Variants in GPM6A observed in about 807,000 individuals in gnomAD.
The protein encoded by GPM6A is glycoprotein M6A.
A neutral mutation model predicts 32.1 loss-of-function variants in GPM6A; 7 were observed. That is an observed-to-expected ratio of 0.22 (90% CI 0.12 to 0.41). The LOEUF (loss-of-function observed/expected upper bound fraction) is 0.41, where lower values mean the gene tolerates loss of function less well. Ranked by LOEUF, GPM6A falls within the 10% of genes least tolerant of loss-of-function variation. The pLI is 1.00. For missense variants in GPM6A, 235 were observed against 347.2 expected, an observed-to-expected ratio of 0.68 and a Z score of 2.57; for synonymous variants, 130 against 123.4, an observed-to-expected ratio of 1.05 and a Z score of -0.35.
intron 1 of GPM6A, among the ~76,000 whole-genome samples, chr4:175,993,729 T>C (rs1741220895): frequency 6.6e-6 from 1 of 152,206 alleles, no homozygotes; most frequent in South Asian, 2.1e-4. Flanking sequence ...ATTATCTAAA[T>C]GTTGTTGCCT....
intron 1 of GPM6A, among the ~76,000 whole-genome samples, chr4:175,918,681 A>G (rs994379932): frequency 3.3e-5 from 5 of 152,178 alleles, no homozygotes; most frequent in African/African-American, 1.2e-4. Context: ...GAGTTTCCTA[A>G]GAAAACTGCA....
chr4:175,732,279 T>C (rs1731467994), intron 1 of GPM6A, among the ~76,000 whole-genome samples: 1 of 151,996 alleles, frequency 6.6e-6, no homozygotes, highest in Admixed American at 6.6e-5. Flanking sequence ...TCCTCACTTC[T>C]TTGTTCAAGC....
At chr4:175,935,803 A>C (rs1739199672) in intron 1 of GPM6A, among the ~76,000 whole-genome samples, 1 of 152,072 alleles carries the variant, frequency 6.6e-6, no homozygotes, top group African/African-American at 2.4e-5. Context: ...AAGCAAATTT[A>C]TAGTGGATGT....
intron 1 of GPM6A, among the ~76,000 whole-genome samples, chr4:175,984,776 A>T (rs906847392): frequency 6.6e-6 from 1 of 152,064 alleles, no homozygotes; most frequent in Non-Finnish European, 1.5e-5. Flanking sequence ...ATTTATTTTC[A>T]TGTGTAGGGT....
intron 1 of GPM6A, among the ~76,000 whole-genome samples, chr4:175,851,916 C>CA (rs80115348): frequency 1.3e-5 from 2 of 151,260 alleles, no homozygotes; most frequent in African/African-American, 2.4e-5. Context: ...CCTTAAGAAA[C>CA]AAAAAAAAGA....
At chr4:175,961,803 C>A (rs1367919563) in intron 1 of GPM6A, among the ~76,000 whole-genome samples, 1 of 152,206 alleles carries the variant, frequency 6.6e-6, no homozygotes, top group African/African-American at 2.4e-5. Context: ...GCCTACCCAA[C>A]CTCGAAGAAG....
chr4:175,839,327 G>C (rs1386732507), intron 1 of GPM6A, among the ~76,000 whole-genome samples: 1 of 152,030 alleles, frequency 6.6e-6, no homozygotes, highest in East Asian at 1.9e-4. Context: ...TTCTAACTAA[G>C]ACTAACATTC....
chr4:175,840,686 A>C lies in GPM6A; in HGVS notation c.-22-28437T>G, dbSNP rs146307067. On this transcript the variant is annotated intron_variant, in intron 1 of 7. Transcript: ENST00000280187. ...GCGAAACTCCATCTCAAAAATAAAT[A>C]AATAAATACAGAATTTCCAAGTGTT... 9.1e-3 allele frequency among the ~76,000 whole-genome samples: 1,379 copies of C among 152,294 alleles called. 6 individuals carry two copies. Among genetic ancestry groups the C allele is most frequent in the Non-Finnish European group, 0.013 (909 of 68,012 alleles).
intron 1 of GPM6A, among the ~76,000 whole-genome samples, chr4:175,708,097 C>T (rs1745307774): frequency 6.6e-6 from 1 of 151,870 alleles, no homozygotes; most frequent in Non-Finnish European, 1.5e-5. Context: ...TTGCTGAGAC[C>T]TTAGAAGTAA....
chr4:175,744,771 A>T (rs1732031126), intron 1 of GPM6A, among the ~76,000 whole-genome samples: 1 of 151,996 alleles, frequency 6.6e-6, no homozygotes, highest in Non-Finnish European at 1.5e-5. Flanking sequence ...AATACAAAAC[A>T]CTCTAGTAGA....
At chr4:175,811,369 G>GAGAAACGCTGCCT (rs1307811613) in intron 1 of GPM6A, among the ~76,000 whole-genome samples, 1 of 152,100 alleles carries the variant, frequency 6.6e-6, no homozygotes, top group African/African-American at 2.4e-5. Context: ...CAGCAGACGA[G>GAGAAACGCTGCCT]AGAAACGCTG....
intron 1 of GPM6A, among the ~76,000 whole-genome samples, chr4:175,717,542 C>T (rs13128371): frequency 0.35 from 53,660 of 151,990 alleles, 11,756 homozygotes; most frequent in Non-Finnish European, 0.49. Context: ...TGTATGGTAG[C>T]ACTGGTATAA....
At chr4:175,748,547 G>A (rs983033902) in intron 1 of GPM6A, among the ~76,000 whole-genome samples, 2 of 151,988 alleles carry the variant, frequency 1.3e-5, no homozygotes, top group Non-Finnish European at 2.9e-5. Flanking sequence ...GTCAACAGTG[G>A]GCTTAAAATA....
intron 1 of GPM6A, chr4:175,906,669 T>A (rs1360274689): frequency 6.6e-6 from 1 of 152,158 alleles, no homozygotes; most frequent in Non-Finnish European, 1.5e-5. Context: ...TTATTTCATT[T>A]CCTTGTAATT....
chr4:175,728,912 G>A (rs1731291167), intron 1 of GPM6A, among the ~76,000 whole-genome samples: 2 of 152,148 alleles, frequency 1.3e-5, no homozygotes, highest in Non-Finnish European at 2.9e-5. Context: ...ACTCACAGGA[G>A]CTGAGTATAA....
At chr4:175,752,850 A>T (rs997309395) in intron 1 of GPM6A, among the ~76,000 whole-genome samples, 2 of 152,194 alleles carry the variant, frequency 1.3e-5, no homozygotes, top group Admixed American at 6.6e-5. Flanking sequence ...AGCTTACTTC[A>T]TGAAGCTGTG....
intron 1 of GPM6A, among the ~76,000 whole-genome samples, chr4:175,872,884 T>A (rs941310665): frequency 6.6e-6 from 1 of 152,156 alleles, no homozygotes; most frequent in Admixed American, 6.6e-5. Flanking sequence ...CAAGTCTTAT[T>A]AGGATGAATT....
chr4:175,932,425 G>GAC (rs1327344328), intron 1 of GPM6A, among the ~76,000 whole-genome samples: 4 of 152,184 alleles, frequency 2.6e-5, no homozygotes, highest in African/African-American at 9.7e-5. Context: ...GCCCTCACCA[G>GAC]ACACCAAACC....
At chr4:175,713,128 T>C (rs767912892) in intron 1 of GPM6A, among the ~76,000 whole-genome samples, 20 of 152,238 alleles carry the variant, frequency 1.3e-4, no homozygotes, top group Non-Finnish European at 5.9e-5. Flanking sequence ...GGCTTTATAC[T>C]GTAAAATGTT....
Sources: allele counts gnomAD v4.1 joint callset (sites outside exome capture counted in the v4.1 genomes callset), GRCh38; gene constraint gnomAD v4.1.1; transcripts MANE v1.5; gene names NCBI Gene and HGNC (gene_info 2026-07-23, HGNC 2026-07-21).